The following THSD7B variants were observed in gnomAD, a reference collection of about 807,000 sequenced individuals.
THSD7B encodes the protein thrombospondin type 1 domain containing 7B.
A neutral mutation model predicts 213.6 loss-of-function variants in THSD7B; 138 were observed. The observed-to-expected ratio is 0.65, with a 90% CI of 0.56 to 0.74. The LOEUF (loss-of-function observed/expected upper bound fraction) is 0.74, where lower values mean the gene tolerates loss of function less well. THSD7B is among the 30% of genes least tolerant of loss of function. The pLI, the probability that THSD7B is intolerant of heterozygous loss-of-function variation, is 0.00. For synonymous variants in THSD7B, 742 were observed against 687.0 expected (o/e 1.08, Z -1.25); for missense variants, 1,931 against 1,991.5 (o/e 0.97, Z 0.58).
chr2:136,851,107 C>T (rs1480410401), intron 1 of THSD7B, among the ~76,000 whole-genome samples: 1 of 151,952 alleles, frequency 6.6e-6, no homozygotes, highest in Non-Finnish European at 1.5e-5. Flanking sequence ...GTGTGTTCTT[C>T]AGTTTTTCTG....
intron 12 of THSD7B, among the ~76,000 whole-genome samples, chr2:137,303,221 C>T (rs1278826325): frequency 1.3e-5 from 2 of 152,134 alleles, no homozygotes; most frequent in Non-Finnish European, 2.9e-5. Flanking sequence ...CATAATCTCA[C>T]TTTGTTGCCA....
chr2:137,157,167 G>A (rs760027278), intron 5 of THSD7B, among the ~76,000 whole-genome samples: 3 of 152,164 alleles, frequency 2.0e-5, no homozygotes, highest in Non-Finnish European at 4.4e-5. Flanking sequence ...TCCAGTGGGA[G>A]CAAATACACT....
At chr2:137,516,697 A>C (rs1680075787) in intron 15 of THSD7B, among the ~76,000 whole-genome samples, 1 of 136,822 alleles carries the variant, frequency 7.3e-6, no homozygotes, top group Non-Finnish European at 1.5e-5. Flanking sequence ...CCAGTGCCAG[A>C]ATGCATAATT....
At chr2:136,839,840 C>A (rs1030719913) in intron 1 of THSD7B, among the ~76,000 whole-genome samples, 1 of 152,022 alleles carries the variant, frequency 6.6e-6, no homozygotes, top group Non-Finnish European at 1.5e-5. Flanking sequence ...TAGTCATAGA[C>A]AAAGGCATGT....
intron 2 of THSD7B, among the ~76,000 whole-genome samples, chr2:136,901,093 G>A (rs1429031972): frequency 6.6e-6 from 1 of 151,062 alleles, no homozygotes; most frequent in African/African-American, 2.4e-5. Context: ...TTTTTTTATT[G>A]TTTTAATAGA....
intron 4 of THSD7B, among the ~76,000 whole-genome samples, chr2:137,098,069 T>G (rs1688073614): frequency 6.6e-6 from 1 of 152,166 alleles, no homozygotes; most frequent in South Asian, 2.1e-4. Flanking sequence ...TAAAATTCAT[T>G]GTTAACAAGG....
intron 1 of THSD7B, among the ~76,000 whole-genome samples, chr2:136,775,740 T>C (rs1040705806): frequency 3.3e-5 from 5 of 152,112 alleles, no homozygotes; most frequent in African/African-American, 1.2e-4. Flanking sequence ...AGCTAAAAAT[T>C]AGAAATGCTA....
chr2:136,832,486 C>T (rs930011432), intron 1 of THSD7B, among the ~76,000 whole-genome samples: 2 of 152,068 alleles, frequency 1.3e-5, no homozygotes, highest in Non-Finnish European at 2.9e-5. Context: ...GGTTGATGCC[C>T]ACCCACATTG....
intron 12 of THSD7B, among the ~76,000 whole-genome samples, chr2:137,389,325 T>C (rs1685966192): frequency 6.7e-6 from 1 of 148,600 alleles, no homozygotes; most frequent in Non-Finnish European, 1.5e-5. Flanking sequence ...TAACTATTTT[T>C]CAATATACCT....
intron 17 of THSD7B, among the ~76,000 whole-genome samples, chr2:137,574,422 C>G (rs1252556388): frequency 6.6e-6 from 1 of 152,050 alleles, no homozygotes; most frequent in East Asian, 1.9e-4. Context: ...GAAGGTTGTT[C>G]CTTTACCTGC....
At chr2:137,258,766 G>A (rs1355565668) in intron 10 of THSD7B, among the ~76,000 whole-genome samples, 4 of 150,716 alleles carry the variant, frequency 2.7e-5, no homozygotes, top group Admixed American at 1.3e-4. Flanking sequence ...TGCTGCACCC[G>A]TCAACCCATC....
chr2:137,061,726 G>A (rs552354460), intron 3 of THSD7B, among the ~76,000 whole-genome samples: 8 of 151,836 alleles, frequency 5.3e-5, no homozygotes, highest in East Asian at 3.9e-4. Flanking sequence ...TAGCTGCGAC[G>A]TAAATTCCTT....
rs199918256 is a variant in THSD7B at position 137,297,110 on chromosome 2, A to AG, written c.2500+21090dup. On this transcript the variant is annotated intron_variant, in intron 12 of 27. Transcript: ENST00000409968. Reference sequence around the variant, plus strand: ...AAACAATTACTGATGTGAATATTGGAGGGGGGTCCCAGAAAGTATCTAGTA... The same window carrying AG: ...AAACAATTACTGATGTGAATATTGGAGGGGGGGTCCCAGAAAGTATCTAGTA... 4.0e-3 allele frequency among the ~76,000 whole-genome samples: 593 copies of AG among 147,324 alleles called. 3 individuals are homozygous for AG. The highest frequency in any genetic ancestry group is 0.014 in the African/African-American group (559 of 39,508).
At position 137,242,523 on chromosome 2, in the gene THSD7B, T is replaced by C; in HGVS notation, c.2217T>C (p.Ile739=). The change falls in exon 10 of 28, where the codon ATT becomes ATC. Residue 739 remains isoleucine, a synonymous_variant. Transcript: ENST00000409968. ...TTCTCCCATGCAAAAAAGACTGTAT[T>C]GTGACTGCTTTCAGTGAGTGGACAC... ...PCFLPCKKDC[I]VTAFSEWTPC... 1 of 1,613,934 alleles carries C rather than the reference T, an allele frequency of 6.2e-7. No individual in the cohort carries two copies. The highest frequency in any genetic ancestry group is 8.5e-7 in the Non-Finnish European group (1 of 1,179,840).
intron 1 of THSD7B, among the ~76,000 whole-genome samples, chr2:136,771,888 T>TA (rs1444928523): frequency 6.6e-6 from 1 of 152,134 alleles, no homozygotes; most frequent in African/African-American, 2.4e-5. Context: ...AGGTAAGGCT[T>TA]ACCAATATCC....
At position 137,538,121 on chromosome 2, in the gene THSD7B, A is replaced by T. The variant is rs1409191324; in HGVS notation, c.3139-25100A>T. Among the ~76,000 whole-genome samples the T allele has an allele frequency of 2.0e-5, 3 of 151,710 alleles. No individual in the cohort carries two copies. In the East Asian group the frequency reaches 5.8e-4, roughly 29 times the overall value. On this transcript the variant is annotated intron_variant, in intron 15 of 27. Coordinates refer to ENST00000409968, the MANE Select transcript of THSD7B (RefSeq NM_001316349.2). ...CTTTTCCTGTGATAAGCTGTGATTA[A>T]GATACTTCTTAGGGAATTTGAGTTC...
chr2:137,476,444 GT>G (rs1373258156), intron 15 of THSD7B, among the ~76,000 whole-genome samples: 1 of 152,148 alleles, frequency 6.6e-6, no homozygotes, highest in East Asian at 1.9e-4. Flanking sequence ...TGGTTTCATA[GT>G]TTTTGGTTTT....
At position 137,056,714 on chromosome 2, in the gene THSD7B, G is replaced by T; in HGVS notation, c.434G>T (p.Cys145Phe). ...GGACTGCAGCACCGGATGGTGCGCT[G>T]CATTCAGAAGCTGAACCGAACTGTG... ...QHGLQHRMVR[C>F]IQKLNRTVVA... The change falls in exon 3 of 28, where the codon TGC (cysteine) becomes TTC (phenylalanine). Residue 145 changes from cysteine to phenylalanine, a missense_variant. Cys to Phe is a radical substitution (Grantham distance 205). Transcript: ENST00000409968. The T allele has an allele frequency of 6.2e-7, 1 of 1,613,980 alleles. No individual in the cohort carries two copies. The highest frequency in any genetic ancestry group is 8.5e-7 in the Non-Finnish European group (1 of 1,179,882).
At chr2:137,594,531 T>G (rs373856785) in intron 17 of THSD7B, among the ~76,000 whole-genome samples, 42 of 152,166 alleles carry the variant, frequency 2.8e-4, no homozygotes, top group African/African-American at 9.1e-4. Flanking sequence ...AACAGCTATG[T>G]GTTTGTCTCT....
Sources: allele counts gnomAD v4.1 joint callset (sites outside exome capture counted in the v4.1 genomes callset), GRCh38; gene constraint gnomAD v4.1.1; transcripts MANE v1.5; gene names NCBI Gene and HGNC (gene_info 2026-07-23, HGNC 2026-07-21).